The following VPS33A variants were observed in gnomAD, a reference collection of about 807,000 sequenced individuals.
VPS33A encodes the protein VPS33A core subunit of CORVET and HOPS complexes, also known as vacuolar protein sorting-associated protein 33A.
In VPS33A, 32 loss-of-function variants were observed where a neutral mutation model predicts 71.8. The ratio of observed to expected loss-of-function variants is 0.45; its 90% CI spans 0.34 to 0.60. The LOEUF (loss-of-function observed/expected upper bound fraction) is 0.60, where lower values mean the gene tolerates loss of function less well. Among genes scored for constraint, VPS33A ranks in the 20% least tolerant of loss-of-function variants. VPS33A has a pLI of 0.02. For missense variants in VPS33A, 625 were observed against 748.5 expected (o/e 0.84, Z 1.92); for synonymous variants, 311 against 292.7 (o/e 1.06, Z -0.64).
intron 4 of VPS33A, among the ~76,000 whole-genome samples, chr12:122,251,786 A>T (rs565708290): frequency 3.2e-4 from 48 of 150,152 alleles, no homozygotes; most frequent in African/African-American, 1.1e-3. Flanking sequence ...GGGTGGGGGA[A>T]GGGGGGAGGG....
intron 9 of VPS33A, 42 bp from the exon 10 acceptor site, chr12:122,238,766 T>TACACACACAC (rs745624372): frequency 1.5e-6 from 2 of 1,354,074 alleles, no homozygotes; most frequent in East Asian, 2.4e-5. Context: ...CATTTACATA[T>TACACACACAC]ACATACACAC....
At chr12:122,265,796 C>G in intron 1 of VPS33A, 1 of 434,794 alleles carries the variant, frequency 2.3e-6, no homozygotes, top group Non-Finnish European at 4.7e-6. Context: ...GTTCCTGACT[C>G]CCTTGTGAAA....
chr12:122,249,624 C>T (rs775246967), intron 6 of VPS33A: 2 of 323,494 alleles, frequency 6.2e-6, no homozygotes, highest in Non-Finnish European at 1.1e-5. Flanking sequence ...CTCACTGATC[C>T]TCTTTTTTGG....
chr12:122,250,435 G>A (rs1201264739), intron 5 of VPS33A, among the ~76,000 whole-genome samples: 1 of 152,148 alleles, frequency 6.6e-6, no homozygotes, highest in Non-Finnish European at 1.5e-5. Context: ...AGTTTTATAT[G>A]TGTTTCTGCT....
chr12:122,247,107 A>C (rs1954786705), intron 6 of VPS33A, among the ~76,000 whole-genome samples: 1 of 152,220 alleles, frequency 6.6e-6, no homozygotes, highest in Non-Finnish European at 1.5e-5. Context: ...TTGGGGCCAC[A>C]GGGCTGTTGG....
intron 9 of VPS33A, 99 bp downstream of exon 9, chr12:122,239,779 A>AAAAAAAAAAAAAAAAAAT (rs1954688668): frequency 2.0e-6 from 1 of 507,360 alleles, no homozygotes; most frequent in Non-Finnish European, 3.4e-6. Flanking sequence ...AAAAAAAAAA[A>AAAAAAAAAAAAAAAAAAT]GGCAAGGCAT....
intron 9 of VPS33A, 92 bp from the exon 10 acceptor site, chr12:122,238,816 T>C: frequency 8.7e-7 from 1 of 1,148,236 alleles, no homozygotes. Context: ...CAATACATGG[T>C]TTAGGAACTT....
intron 4 of VPS33A, among the ~76,000 whole-genome samples, chr12:122,256,799 C>T (rs914969677): frequency 1.3e-5 from 2 of 152,128 alleles, no homozygotes; most frequent in African/African-American, 4.8e-5. Context: ...GGCTCATTCT[C>T]GGCAGCACTG....
At chr12:122,239,530 C>T (rs556319680) in intron 9 of VPS33A, among the ~76,000 whole-genome samples, 27 of 152,072 alleles carry the variant, frequency 1.8e-4, no homozygotes, top group Non-Finnish European at 2.5e-4. Context: ...GGTCGGAGAT[C>T]GAGACCATCC....
chr12:122,246,925 G>A (rs776591148), intron 6 of VPS33A, among the ~76,000 whole-genome samples: 2 of 152,054 alleles, frequency 1.3e-5, no homozygotes, highest in Non-Finnish European at 2.9e-5. Flanking sequence ...TTAATGTAAC[G>A]ATTACAGTAT....
At chr12:122,261,791 A>G (rs1444693969) in intron 3 of VPS33A, among the ~76,000 whole-genome samples, 1 of 151,060 alleles carries the variant, frequency 6.6e-6, no homozygotes, top group African/African-American at 2.4e-5. Flanking sequence ...TCACGAGAAC[A>G]GGAGGTGGAG....
chr12:122,244,060 G>C (rs915610091), intron 7 of VPS33A, among the ~76,000 whole-genome samples: 1 of 152,158 alleles, frequency 6.6e-6, no homozygotes, highest in African/African-American at 2.4e-5. Context: ...GAATAAACTA[G>C]TGAACGGGCA....
chr12:122,261,228 T>A, intron 4 of VPS33A, 33 bp downstream of exon 4: 2 of 1,587,002 alleles, frequency 1.3e-6, no homozygotes, highest in Non-Finnish European at 1.7e-6. Flanking sequence ...GGGCAAAAAT[T>A]AATGCCTGAA....
At chr12:122,266,219 A>G in intron 1 of VPS33A, 88 bp downstream of exon 1, 1 of 1,544,772 alleles carries the variant, frequency 6.5e-7, no homozygotes, top group Non-Finnish European at 8.7e-7. Context: ...AGGACCTCAT[A>G]AACCGCGAAC....
At chr12:122,241,350 G>C (rs1954711879) in intron 8 of VPS33A, among the ~76,000 whole-genome samples, 1 of 152,032 alleles carries the variant, frequency 6.6e-6, no homozygotes, top group African/African-American at 2.4e-5. Flanking sequence ...CTGTCGCCCA[G>C]GCCGGAGTGC....
At chr12:122,256,644 T>C (rs1169530879) in intron 4 of VPS33A, among the ~76,000 whole-genome samples, 1 of 149,848 alleles carries the variant, frequency 6.7e-6, no homozygotes, top group Non-Finnish European at 1.5e-5. Flanking sequence ...AGCAGCATCA[T>C]AAACTCATAA....
chr12:122,244,421 A>G, intron 7 of VPS33A, 148 bp downstream of exon 7: 1 of 654,926 alleles, frequency 1.5e-6, no homozygotes, highest in East Asian at 2.7e-5. Flanking sequence ...CGGATCTTCC[A>G]ATACTGAATC....
Position 122,251,089 on chromosome 12 carries a change from A to G in VPS33A, c.494T>C (p.Leu165Pro), listed in dbSNP as rs1954838105. 1.2e-6 allele frequency: 2 copies of G among 1,613,548 alleles called. No individual in the cohort carries two copies. The highest frequency in any genetic ancestry group is 4.5e-5 in the East Asian group (2 of 44,870). ...GTACAGGCTCGTCTGGTCACCCTCC[A>G]GGTAGCACTCCTGTGAGGGAAAAGG... ...ESEGAFKECYLEGDQTSLYHA... is the reference protein window; with the variant it reads ...ESEGAFKECYPEGDQTSLYHA... Residue 165 changes from leucine (L) to proline (P), a missense_variant, in exon 5 of 13, where the codon CTG (leucine) becomes CCG (proline). Leu to Pro is a moderately conservative substitution (Grantham distance 98). Coordinates refer to ENST00000267199, the MANE Select transcript of VPS33A (RefSeq NM_022916.6).
chr12:122,260,016 C>T (rs1432361077), intron 4 of VPS33A, among the ~76,000 whole-genome samples: 2 of 151,984 alleles, frequency 1.3e-5, no homozygotes, highest in Non-Finnish European at 2.9e-5. Flanking sequence ...GCACTCCAAC[C>T]TGGGCAAAAG....
Sources: gnomAD v4.1 joint callset for allele counts (sites outside exome capture counted in the v4.1 genomes callset) on GRCh38, gnomAD v4.1.1 for gene constraint, MANE v1.5 for transcripts, NCBI Gene and HGNC (gene_info 2026-07-23, HGNC 2026-07-21) for gene names.